Variants in ZMYM2 observed in about 807,000 individuals in gnomAD.
ZMYM2 encodes zinc finger MYM-type protein 2.
In ZMYM2, 56 loss-of-function variants were observed where a neutral mutation model predicts 162.8. The ratio of observed to expected loss-of-function variants is 0.34; its 90% CI spans 0.28 to 0.43. The LOEUF (loss-of-function observed/expected upper bound fraction) is 0.43, where lower values mean the gene tolerates loss of function less well. Among genes scored for constraint, ZMYM2 ranks in the 20% least tolerant of loss-of-function variants. The probability of loss-of-function intolerance (pLI) is 1.00; values close to 1 mark genes in which losing one functional copy is unlikely to be tolerated. For missense variants in ZMYM2, 1,275 were observed against 1,621.8 expected (o/e 0.79, Z 3.67); for synonymous variants, 510 against 541.6 (o/e 0.94, Z 0.81).
In ZMYM2 at chr13:20,026,646, G is replaced by A. The variant is rs1191253065; in HGVS notation, c.1619G>A (p.Arg540Gln). ...YGKLTTCTGC[R>Q]TQCRFFDMTQ... ...AAACTGACAACTTGTACTGGTTGCC[G>A]AACACAGTGCAGGTTTTTTGATATG... The change falls in exon 8 of 25, where the codon CGA (arginine) becomes CAA (glutamine). Residue 540 changes from arginine (R) to glutamine (Q), a missense_variant. Arg to Gln is a conservative substitution (Grantham distance 43, BLOSUM62 1). Around this residue, in one of 10 missense-constraint regions of ZMYM2, gnomAD observed 276 missense variants for 311.8 expected, o/e 0.89. Transcript: ENST00000610343. 13 of 1,607,076 alleles carry A rather than the reference G, an allele frequency of 8.1e-6. No individual in the cohort carries two copies. Among genetic ancestry groups the A allele is most frequent in the East Asian group, 6.7e-5 (3 of 44,630 alleles).
chr13:19,872,803 A>T, the ZMYM2 span, among the ~76,000 whole-genome samples: 1 of 152,044 alleles, frequency 6.6e-6, no homozygotes, highest in Admixed American at 6.6e-5. Flanking sequence ...GTTTGAGACC[A>T]GCCTGGGTAA....
the ZMYM2 span, among the ~76,000 whole-genome samples, chr13:19,936,128 C>T: frequency 3.5e-3 from 534 of 152,246 alleles, 20 homozygotes; most frequent in East Asian, 0.076. Context: ...CAAAGTTCAG[C>T]ATGTAAATGG....
chr13:20,081,872 T>G, intron 21 of ZMYM2, 144 bp from the exon 22 acceptor site: 1 of 493,234 alleles, frequency 2.0e-6, no homozygotes, highest in Non-Finnish European at 3.5e-6. Context: ...TCTAGGTGCA[T>G]ACATAAAATC....
At chr13:19,907,613 T>C in the ZMYM2 span, among the ~76,000 whole-genome samples, 1 of 151,622 alleles carries the variant, frequency 6.6e-6, no homozygotes, top group Non-Finnish European at 1.5e-5. Context: ...TACAAAAAAA[T>C]TAGCCAGGTG....
At chr13:19,913,640 A>G in the ZMYM2 span, among the ~76,000 whole-genome samples, 1 of 152,198 alleles carries the variant, frequency 6.6e-6, no homozygotes, top group Non-Finnish European at 1.5e-5. Context: ...CATGAGAATC[A>G]CTTGAACCTG....
intron 2 of ZMYM2, among the ~76,000 whole-genome samples, chr13:19,960,697 ATTAT>A (rs1955114674): frequency 1.3e-5 from 2 of 152,324 alleles, no homozygotes; most frequent in South Asian, 2.1e-4. Flanking sequence ...TTACCAGAGA[ATTAT>A]TTAATTTGTT....
chr13:20,062,853 T>C lies in ZMYM2; in HGVS notation c.2919T>C (p.Ile973=), dbSNP rs1402531377. The C allele has an allele frequency of 6.4e-7, 1 of 1,570,764 alleles. No individual in the cohort carries two copies. Among genetic ancestry groups the C allele is most frequent in the South Asian group, 1.2e-5 (1 of 85,178 alleles). Residue 973 remains isoleucine (I), a synonymous_variant, in exon 18 of 25, where the codon ATT becomes ATC. Transcript: ENST00000610343. ...KTETTNINSV[I]IETDIIGSDL... Reference sequence around the variant, plus strand: ...AATATGGATTGATTTCAGGTGTAATTATTGAAACAGATATAATTGGTTCAG... The same window carrying C: ...AATATGGATTGATTTCAGGTGTAATCATTGAAACAGATATAATTGGTTCAG...
intron 6 of ZMYM2, among the ~76,000 whole-genome samples, chr13:20,013,975 T>G (rs1951404650): frequency 6.6e-6 from 1 of 152,176 alleles, no homozygotes; most frequent in South Asian, 2.1e-4. Flanking sequence ...TATCTTCTGA[T>G]TTTTGGAAGC....
At chr13:20,044,214 G>C (rs890873883) in intron 12 of ZMYM2, among the ~76,000 whole-genome samples, 1 of 152,186 alleles carries the variant, frequency 6.6e-6, no homozygotes, top group African/African-American at 2.4e-5. Context: ...AGATCAGCTG[G>C]CTTGCTGCCC....
chr13:20,026,109 GTAGA>G (rs1952559790), intron 7 of ZMYM2: 1 of 152,086 alleles, frequency 6.6e-6, no homozygotes, highest in African/African-American at 2.4e-5. Flanking sequence ...TTCAAATGTA[GTAGA>G]TAGGTGATAA....
chr13:19,919,850 T>C, the ZMYM2 span, among the ~76,000 whole-genome samples: 1 of 152,054 alleles, frequency 6.6e-6, no homozygotes, highest in African/African-American at 2.4e-5. Flanking sequence ...GATTTTTGTA[T>C]TTTTAGTAGA....
the ZMYM2 span, among the ~76,000 whole-genome samples, chr13:19,921,375 A>T: frequency 6.6e-6 from 1 of 152,122 alleles, no homozygotes; most frequent in African/African-American, 2.4e-5. Flanking sequence ...CCTGACCTCA[A>T]GTGATCTGCC....
At chr13:20,039,031 T>C (rs1174168211) in intron 12 of ZMYM2, among the ~76,000 whole-genome samples, 4 of 152,172 alleles carry the variant, frequency 2.6e-5, no homozygotes. Context: ...TTTATTCTTT[T>C]TGTGGCAATT....
chr13:20,059,346 C>A, intron 15 of ZMYM2, 101 bp from the exon 16 acceptor site: 7 of 1,204,446 alleles, frequency 5.8e-6, no homozygotes, highest in Non-Finnish European at 7.9e-6. Flanking sequence ...AAAAAAGGTA[C>A]TGAGGTAGTT....
intron 1 of ZMYM2, among the ~76,000 whole-genome samples, 184 bp downstream of exon 1, chr13:19,959,025 C>T (rs1182827596): frequency 2.6e-5 from 4 of 151,886 alleles, no homozygotes; most frequent in Non-Finnish European, 4.4e-5. Context: ...GCCGCCGTCG[C>T]CGCTGCCGCG....
At chr13:19,962,525 T>G (rs1364280772) in intron 2 of ZMYM2, among the ~76,000 whole-genome samples, 1 of 123,244 alleles carries the variant, frequency 8.1e-6, no homozygotes, top group African/African-American at 3.4e-5. Context: ...ATTTTTTTTT[T>G]TTTTTTTTTT....
chr13:19,888,295 TCTCCCATGTCAGC>T, the ZMYM2 span, among the ~76,000 whole-genome samples: 1 of 151,694 alleles, frequency 6.6e-6, no homozygotes, highest in African/African-American at 2.4e-5. Context: ...CTCACGCAGT[TCTCCCATGTCAGC>T]CCCCAAGTAG....
chr13:20,018,717 T>A (rs1164002601), intron 6 of ZMYM2, among the ~76,000 whole-genome samples: 1 of 152,224 alleles, frequency 6.6e-6, no homozygotes, highest in African/African-American at 2.4e-5. Flanking sequence ...CTTTTAAAAC[T>A]TTTGTGCAAG....
intron 9 of ZMYM2, among the ~76,000 whole-genome samples, chr13:20,030,231 T>C (rs1952965644): frequency 6.6e-6 from 1 of 150,868 alleles, no homozygotes; most frequent in East Asian, 1.9e-4. Flanking sequence ...TTTCTTTTCC[T>C]CTTTTTTTTT....
Sources: allele counts gnomAD v4.1 joint callset (sites outside exome capture counted in the v4.1 genomes callset), GRCh38; gene constraint gnomAD v4.1.1; regional missense constraint gnomAD v4.1.1; transcripts MANE v1.5; gene names NCBI Gene and HGNC (gene_info 2026-07-23, HGNC 2026-07-21).